PIK3C2G: variants seen among roughly 807,000 people sequenced by gnomAD.
PIK3C2G encodes phosphatidylinositol-4-phosphate 3-kinase catalytic subunit type 2 gamma.
In PIK3C2G, 168 loss-of-function variants were observed where a neutral mutation model predicts 181.1. That is an observed-to-expected ratio of 0.93 (90% confidence interval 0.82 to 1.05). PIK3C2G has a LOEUF of 1.05. Among genes scored for constraint, PIK3C2G ranks in the 50% least tolerant of loss-of-function variants. The pLI, the probability that PIK3C2G is intolerant of heterozygous loss-of-function variation, is 0.00. For missense variants in PIK3C2G, 1,869 were observed against 1,732.8 expected, an observed-to-expected ratio of 1.08 and a Z score of -1.40; for synonymous variants, 573 against 592.2, an observed-to-expected ratio of 0.97 and a Z score of 0.47.
the PIK3C2G span, among the ~76,000 whole-genome samples, chr12:18,724,523 T>C: frequency 1.3e-5 from 2 of 152,102 alleles, no homozygotes; most frequent in South Asian, 2.1e-4. Context: ...GCAAGAAGCA[T>C]GTGTTGAAGG....
intron 8 of PIK3C2G, among the ~76,000 whole-genome samples, chr12:18,331,615 G>A (rs1937977020): frequency 6.6e-6 from 1 of 151,800 alleles, no homozygotes; most frequent in African/African-American, 2.4e-5. Flanking sequence ...ATAATTTTAT[G>A]TTTTCCTCTT....
chr12:18,651,065 A>G (rs774376340), downstream of PIK3C2G, among the ~76,000 whole-genome samples: 3 of 151,926 alleles, frequency 2.0e-5, no homozygotes, highest in Non-Finnish European at 4.4e-5. Flanking sequence ...AAAAGGCCCT[A>G]TGTGATCTGA....
chr12:18,564,880 C>T (rs1323931216), intron 28 of PIK3C2G, among the ~76,000 whole-genome samples: 1 of 152,100 alleles, frequency 6.6e-6, no homozygotes. Flanking sequence ...TCAAAAATGT[C>T]TCTGTTCTAC....
rs550758266 is a variant in PIK3C2G, at chr12:18,570,911, G to A, written c.4011+3854G>A. The stretch of plus-strand genomic sequence containing the variant: ...TAAGAGTTTCTTCTAGTATTTGAAA[G>A]TGCAACTTATATTCAAAATAAATGC... On this transcript the variant is annotated intron_variant, in intron 29 of 32. Coordinates refer to ENST00000538779, the MANE Select transcript of PIK3C2G (RefSeq NM_001288772.2). Among the ~76,000 whole-genome samples the A allele has an allele frequency of 3.9e-4, 59 of 150,820 alleles. 4 individuals carry two copies. Among genetic ancestry groups the A allele is most frequent in the African/African-American group, 1.4e-3 (58 of 40,400 alleles).
chr12:18,266,831 TTCC>T (rs1172875140), intron 1 of PIK3C2G, among the ~76,000 whole-genome samples: 1 of 151,300 alleles, frequency 6.6e-6, no homozygotes, highest in African/African-American at 2.4e-5. Context: ...CCCTCCCTTC[TTCC>T]TCCTCCTCCT....
At chr12:18,597,090 C>G (rs1045044240) in intron 30 of PIK3C2G, among the ~76,000 whole-genome samples, 17 of 150,962 alleles carry the variant, frequency 1.1e-4, no homozygotes, top group Non-Finnish European at 2.4e-4. Flanking sequence ...CTCTAATTAC[C>G]TCATCTCTAA....
chr12:18,312,759 T>C (rs201203880), intron 5 of PIK3C2G, among the ~76,000 whole-genome samples: 1 of 152,232 alleles, frequency 6.6e-6, no homozygotes, highest in East Asian at 1.9e-4. Flanking sequence ...GTCATGAACA[T>C]ACTAACATTC....
At chr12:18,609,511 A>C (rs1460473303) in intron 30 of PIK3C2G, 24 bp from the exon 31 acceptor site, 2 of 1,406,682 alleles carry the variant, frequency 1.4e-6, no homozygotes, top group Non-Finnish European at 2.0e-6. Flanking sequence ...AACTGAACTC[A>C]CTGAAATTCT....
intron 18 of PIK3C2G, among the ~76,000 whole-genome samples, chr12:18,429,900 C>T (rs1946057999): frequency 6.6e-6 from 1 of 152,194 alleles, no homozygotes; most frequent in African/African-American, 2.4e-5. Flanking sequence ...GGAGAATTAG[C>T]CTCTGATTCC....
intron 1 of PIK3C2G, among the ~76,000 whole-genome samples, chr12:18,265,287 G>A (rs886356277): frequency 1.3e-5 from 2 of 152,190 alleles, no homozygotes; most frequent in African/African-American, 2.4e-5. Context: ...GTTCATTTAT[G>A]CTTCATCATT....
intron 18 of PIK3C2G, among the ~76,000 whole-genome samples, chr12:18,427,500 T>TAA (rs59178829): frequency 0.01 from 1,172 of 114,794 alleles, 13 homozygotes; most frequent in African/African-American, 0.026. Context: ...GAGACTCCAT[T>TAA]AAAAAAAAAA....
In PIK3C2G at chr12:18,491,568, C is replaced by T; in HGVS notation, c.2793+10C>T. ...AGGGATTGATCACGATGTAAGTCAA[C>T]TTATTCCTCAGATTAATGGAATATT... On this transcript the variant is annotated intron_variant, in intron 20 of 32. Transcript: ENST00000538779. 3 of 1,373,448 alleles carry T rather than the reference C, an allele frequency of 2.2e-6. No homozygotes were observed. The highest frequency in any genetic ancestry group is 1.0e-6 in the Non-Finnish European group (1 of 968,302). 85.1% of individuals were successfully genotyped at this position (1,373,448 alleles called of 1,614,324 possible). A position where few individuals can be genotyped will look rare whatever the true frequency, so the allele number is the denominator to read the frequency against.
rs910373959 is a variant in PIK3C2G, at chr12:18,405,929, A to G, written c.2315+6082A>G. Reference sequence around the variant, plus strand: ...TTAGCAATTTCAAAATATATGATACATTGTTATTAACTCTGATCTCCACGC... The same window carrying G: ...TTAGCAATTTCAAAATATATGATACGTTGTTATTAACTCTGATCTCCACGC... On this transcript the variant is annotated intron_variant, in intron 16 of 32. Coordinates refer to ENST00000538779, the MANE Select transcript of PIK3C2G (RefSeq NM_001288772.2). 2.6e-5 allele frequency among the ~76,000 whole-genome samples: 4 copies of G among 152,150 alleles called. No homozygotes were observed. The South Asian group carries it at 8.3e-4, about 32-fold the overall frequency.
At chr12:18,589,002 A>C (rs1232450276) in intron 29 of PIK3C2G, among the ~76,000 whole-genome samples, 2 of 152,102 alleles carry the variant, frequency 1.3e-5, no homozygotes, top group African/African-American at 4.8e-5. Context: ...CAGAAAACCA[A>C]TTACCAAATG....
chr12:18,568,695 T>G (rs768347418), intron 29 of PIK3C2G, among the ~76,000 whole-genome samples: 3 of 152,060 alleles, frequency 2.0e-5, no homozygotes, highest in Non-Finnish European at 4.4e-5. Context: ...AAAAAACACT[T>G]TCACAGAAAC....
At chr12:18,500,876 C>T (rs1941418409) in intron 22 of PIK3C2G, among the ~76,000 whole-genome samples, 1 of 152,130 alleles carries the variant, frequency 6.6e-6, no homozygotes, top group African/African-American at 2.4e-5. Context: ...GAGCTGCAAC[C>T]CTCACCGCGA....
chr12:18,313,936 A>G (rs749443932), intron 5 of PIK3C2G, 26 bp from the exon 6 acceptor site: 6 of 1,115,580 alleles, frequency 5.4e-6, no homozygotes, highest in Middle Eastern at 2.0e-4. Context: ...GGAGGATATG[A>G]TTGTGTTCAT....
At chr12:18,377,340 T>TA (rs1453560661) in intron 13 of PIK3C2G, among the ~76,000 whole-genome samples, 3 of 152,346 alleles carry the variant, frequency 2.0e-5, no homozygotes, top group South Asian at 2.1e-4. Flanking sequence ...ATATTCAAAT[T>TA]AAAAATATTC....
At chr12:18,653,411 C>T (rs1950603493), downstream of PIK3C2G, among the ~76,000 whole-genome samples, 1 of 152,180 alleles carries the variant, frequency 6.6e-6, no homozygotes, top group Admixed American at 6.6e-5. Flanking sequence ...CTTGAATACT[C>T]TCAATGCAAT....
Sources: gnomAD v4.1 joint callset for allele counts (sites outside exome capture counted in the v4.1 genomes callset) on GRCh38, gnomAD v4.1.1 for gene constraint, MANE v1.5 for transcripts, NCBI Gene and HGNC (gene_info 2026-07-23, HGNC 2026-07-21) for gene names.